Variants in CDH11 observed in about 807,000 individuals in gnomAD.
CDH11 encodes the protein cadherin 11, also known as cadherin-11.
Under a neutral mutation model 67.8 loss-of-function variants are expected in CDH11, and 11 were observed. That is an observed-to-expected ratio of 0.16 (90% CI 0.10 to 0.27). CDH11 has a LOEUF of 0.27. Ranked by LOEUF, CDH11 falls within the 10% of genes least tolerant of loss-of-function variation. The pLI is 1.00. For synonymous variants in CDH11, 419 were observed against 400.0 expected (o/e 1.05, Z -0.57); for missense variants, 847 against 1,031.2 (o/e 0.82, Z 2.45).
intron 2 of CDH11, among the ~76,000 whole-genome samples, chr16:65,029,291 G>T (rs2073593665): frequency 6.6e-6 from 1 of 152,058 alleles, no homozygotes; most frequent in African/African-American, 2.4e-5. Flanking sequence ...TGAAACACCA[G>T]CAGTATCCAA....
intron 1 of CDH11, among the ~76,000 whole-genome samples, chr16:65,072,777 T>C (rs185548812): frequency 1.3e-5 from 2 of 152,358 alleles, no homozygotes; most frequent in African/African-American, 4.8e-5. Context: ...GAGTGGGCTC[T>C]GGGCAAGTTG....
chr16:64,982,331 C>A (rs770064144), intron 7 of CDH11, 30 bp from the exon 8 acceptor site: 3 of 1,561,756 alleles, frequency 1.9e-6, no homozygotes, highest in Non-Finnish European at 1.8e-6. Flanking sequence ...GATTGACAAC[C>A]AATTCCTTGA....
intron 12 of CDH11, 67 bp downstream of exon 12, chr16:64,950,700 C>T (rs2071335164): frequency 6.4e-7 from 1 of 1,560,278 alleles, no homozygotes; most frequent in Non-Finnish European, 8.7e-7. Context: ...ATTTGAGAAG[C>T]ATGTGTTTCA....
chr16:65,012,926 A>C (rs1053745767), intron 2 of CDH11, among the ~76,000 whole-genome samples: 3 of 152,210 alleles, frequency 2.0e-5, no homozygotes, highest in Admixed American at 6.5e-5. Context: ...CTAGACCAAA[A>C]GTCAAGATTC....
chr16:64,979,308 CTGG>C (rs1429035019), intron 8 of CDH11, among the ~76,000 whole-genome samples: 1 of 152,020 alleles, frequency 6.6e-6, no homozygotes, highest in Non-Finnish European at 1.5e-5. Context: ...ATAGCTGGGC[CTGG>C]TGGTGTGCAC....
At position 65,069,008 on chromosome 16, in the gene CDH11, C is replaced by T. The variant is rs923334768; in HGVS notation, c.-297-15080G>A. Among the ~76,000 whole-genome samples, 13 of 152,154 alleles carry T rather than the reference C, an allele frequency of 8.5e-5. 2 individuals carry two copies. Among genetic ancestry groups the T allele is most frequent in the Non-Finnish European group, 1.5e-5 (1 of 68,038 alleles). ...AATAGAGCATTAGGCTGACTCCAAA[C>T]AGAAAAACTCACTTGAAGTAAAGGA... On this transcript the variant is annotated intron_variant, in intron 1 of 12. Transcript: ENST00000268603.
At chr16:64,964,828 T>C (rs1315885844) in intron 11 of CDH11, among the ~76,000 whole-genome samples, 5 of 152,028 alleles carry the variant, frequency 3.3e-5, no homozygotes, top group African/African-American at 1.2e-4. Flanking sequence ...GATTACAGGC[T>C]TGAGCCACTG....
At chr16:65,044,942 C>T (rs2073929157) in intron 2 of CDH11, among the ~76,000 whole-genome samples, 1 of 151,986 alleles carries the variant, frequency 6.6e-6, no homozygotes, top group Admixed American at 6.6e-5. Flanking sequence ...TAGAGCTGGA[C>T]ATGCTTTCAT....
intron 2 of CDH11, among the ~76,000 whole-genome samples, chr16:65,018,061 G>T (rs185450775): frequency 3.9e-4 from 60 of 152,276 alleles, no homozygotes; most frequent in Admixed American, 3.7e-3. Context: ...ATGGAACTTT[G>T]TTCAGTAAGG....
chr16:65,048,875 A>C (rs1459648909), intron 2 of CDH11, among the ~76,000 whole-genome samples: 2 of 152,178 alleles, frequency 1.3e-5, no homozygotes, highest in African/African-American at 4.8e-5. Flanking sequence ...ACAGTCATAA[A>C]AAAAGAATGA....
chr16:65,047,572 G>A (rs1035986827), intron 2 of CDH11, among the ~76,000 whole-genome samples: 1 of 151,884 alleles, frequency 6.6e-6, no homozygotes, highest in South Asian at 2.1e-4. Flanking sequence ...GGATGGTCTC[G>A]ATCTCTTGAC....
At chr16:65,035,047 G>A (rs746338530) in intron 2 of CDH11, among the ~76,000 whole-genome samples, 3 of 152,220 alleles carry the variant, frequency 2.0e-5, no homozygotes, top group Non-Finnish European at 4.4e-5. Context: ...GGGCTCATGA[G>A]GTGCTGGGAG....
intron 11 of CDH11, among the ~76,000 whole-genome samples, chr16:64,958,281 T>C (rs1266866214): frequency 4.6e-5 from 7 of 152,254 alleles, no homozygotes; most frequent in Non-Finnish European, 1.0e-4. Context: ...CAGAGTTTAC[T>C]GATTCATTAT....
chr16:65,023,902 T>C (rs2073480766), intron 2 of CDH11, among the ~76,000 whole-genome samples: 1 of 152,186 alleles, frequency 6.6e-6, no homozygotes, highest in South Asian at 2.1e-4. Flanking sequence ...TTGTGAACTG[T>C]ATCTTGTGAA....
chr16:65,064,350 TG>T (rs2074279895), intron 1 of CDH11, among the ~76,000 whole-genome samples: 1 of 152,242 alleles, frequency 6.6e-6, no homozygotes, highest in Non-Finnish European at 1.5e-5. Flanking sequence ...CACATTCCTG[TG>T]GCGAGCACAG....
chr16:65,047,669 C>A (rs973506371), intron 2 of CDH11, among the ~76,000 whole-genome samples: 1 of 151,984 alleles, frequency 6.6e-6, no homozygotes, highest in Admixed American at 6.6e-5. Context: ...AAATTTTAAC[C>A]GTCTTTATCT....
intron 1 of CDH11, among the ~76,000 whole-genome samples, chr16:65,100,420 C>T (rs968811819): frequency 6.6e-6 from 1 of 151,996 alleles, no homozygotes; most frequent in Non-Finnish European, 1.5e-5. Flanking sequence ...AAAAAAAATT[C>T]CTTTTTCAGA....
chr16:65,016,191 C>T (rs1284011162), intron 2 of CDH11, among the ~76,000 whole-genome samples: 1 of 152,158 alleles, frequency 6.6e-6, no homozygotes, highest in Non-Finnish European at 1.5e-5. Context: ...TGTTCCCACC[C>T]CTCTTCATTT....
intron 12 of CDH11, among the ~76,000 whole-genome samples, chr16:64,949,425 C>CTTTT (rs71143535): frequency 9.4e-6 from 1 of 106,020 alleles, no homozygotes; most frequent in Non-Finnish European, 1.8e-5. Context: ...TTTTTTTTTT[C>CTTTT]TTTTTTTTTT....
Sources: allele counts gnomAD v4.1 joint callset (sites outside exome capture counted in the v4.1 genomes callset), GRCh38; gene constraint gnomAD v4.1.1; transcripts MANE v1.5; gene names NCBI Gene and HGNC (gene_info 2026-07-23, HGNC 2026-07-21).